The following IL22RA1 variants were observed in gnomAD, a reference collection of about 807,000 sequenced individuals.
The protein encoded by IL22RA1 is interleukin 22 receptor subunit alpha 1.
Under a neutral mutation model 32.8 loss-of-function variants are expected in IL22RA1, and 25 were observed. The ratio of observed to expected loss-of-function variants is 0.76; its 90% CI spans 0.55 to 1.06. The LOEUF is 1.06. Among genes scored for constraint, IL22RA1 ranks in the 50% least tolerant of loss-of-function variants. The probability of loss-of-function intolerance (pLI) is 0.00; values close to 1 mark genes in which losing one functional copy is unlikely to be tolerated. For synonymous variants in IL22RA1, 305 were observed against 305.0 expected (o/e 1.00, Z 0.00); for missense variants, 709 against 727.4 (o/e 0.97, Z 0.29).
chr1:24,140,114 A>C (rs1313619396), intron 1 of IL22RA1, among the ~76,000 whole-genome samples: 1 of 152,260 alleles, frequency 6.6e-6, no homozygotes, highest in Non-Finnish European at 1.5e-5. Flanking sequence ...TGTGAAGTGC[A>C]CAGCCTCTTT....
At chr1:24,137,094 C>T in intron 3 of IL22RA1, 37 bp downstream of exon 3, 1 of 1,590,358 alleles carries the variant, frequency 6.3e-7, no homozygotes, top group Non-Finnish European at 8.6e-7. Context: ...GCGCTTTCCT[C>T]TTCCCTCCCC....
chr1:24,138,623 C>A lies in IL22RA1; in HGVS notation c.135G>T (p.Pro45=). The change falls in exon 2 of 7, where the codon CCG becomes CCT. Residue 45 remains proline (P), a synonymous_variant. Transcript: ENST00000270800. The part of the protein sequence containing the change: ...FENILTWDSG[P]EGTPDTVYSI... ...TGTAGACCGTGTCTGGGGTGCCCTC[C>A]GGCCCGCTGTCCCACGTCAGGATGT... 6.2e-7 allele frequency: 1 copy of A among 1,613,800 alleles called. No homozygotes were observed.
At position 24,120,826 on chromosome 1, in the gene IL22RA1, C is replaced by G. The variant is rs148843028; in HGVS notation, c.1704G>C (p.Leu568=). 337 of 1,610,596 alleles carry G rather than the reference C, an allele frequency of 2.1e-4. No homozygotes were observed. Among genetic ancestry groups the G allele is most frequent in the Non-Finnish European group, 2.8e-4 (328 of 1,178,122 alleles). The change falls in exon 7 of 7, where the codon CTG becomes CTC. Residue 568 remains leucine, a synonymous_variant. Transcript: ENST00000270800. ...ELDSLFRGLA[L]TVQWES ...CCCCTCAGGACTCCCACTGCACAGT[C>G]AGGGCCAGGCCTCTGAAAAGAGAAT...
At position 24,128,619 on chromosome 1, in the gene IL22RA1, A is replaced by G. The variant is rs574372627; in HGVS notation, c.532-340T>C. ...TCCACCACCCTCCCACGCTCCCACT[A>G]TCCCTCCTTCTTCCAATTCCTCTTG... On this transcript the variant is annotated intron_variant, in intron 4 of 6. Transcript: ENST00000270800. 4.6e-5 allele frequency among the ~76,000 whole-genome samples: 7 copies of G among 151,400 alleles called. No individual in the cohort carries two copies. The East Asian group carries it at 1.4e-3, about 30-fold the overall frequency.
rs917722786 is a variant in IL22RA1, at chr1:24,121,754, A to T, written c.793-17T>A. On this transcript the variant is annotated splice_polypyrimidine_tract_variant and intron_variant, in intron 6 of 6. Transcript: ENST00000270800. ...CTGGACGTTCTGTGCAGGGACGACAACAGTCACCCCCCTGTGGTTAGGGTA... is the reference window on the plus strand; with the variant it reads ...CTGGACGTTCTGTGCAGGGACGACATCAGTCACCCCCCTGTGGTTAGGGTA... The T allele has an allele frequency of 3.4e-6, 5 of 1,471,458 alleles. No individual in the cohort carries two copies. Among genetic ancestry groups the T allele is most frequent in the Non-Finnish European group, 3.6e-6 (4 of 1,104,576 alleles). 91.2% of individuals were successfully genotyped at this position (1,471,458 alleles called of 1,614,324 possible).
At chr1:24,122,525 G>A (rs1327674151) in intron 6 of IL22RA1, among the ~76,000 whole-genome samples, 1 of 152,196 alleles carries the variant, frequency 6.6e-6, no homozygotes. Flanking sequence ...GCCAGGTGCA[G>A]TGGCTCACGC....
intron 1 of IL22RA1, among the ~76,000 whole-genome samples, chr1:24,141,177 G>T (rs527789549): frequency 1.3e-5 from 2 of 152,334 alleles, no homozygotes; most frequent in Non-Finnish European, 2.9e-5. Context: ...CTGCCTCTAC[G>T]CAAGGTGACG....
chr1:24,142,020 T>C (rs960331004), intron 1 of IL22RA1, among the ~76,000 whole-genome samples: 4 of 151,966 alleles, frequency 2.6e-5, no homozygotes, highest in African/African-American at 9.7e-5. Context: ...GGGTCCCCCA[T>C]CTCAAAGGGC....
At position 24,123,397 on chromosome 1, in the gene IL22RA1, C is replaced by G; in HGVS notation, c.697G>C (p.Gly233Arg). 1 of 1,613,784 alleles carries G rather than the reference C, an allele frequency of 6.2e-7. No homozygotes were observed. The highest frequency in any genetic ancestry group is 8.5e-7 in the Non-Finnish European group (1 of 1,179,898). The change falls in exon 6 of 7, where the codon GGA (glycine) becomes CGA (arginine). Residue 233 changes from glycine to arginine, a missense_variant. Physicochemically the swap from Gly to Arg is moderately radical, Grantham distance 125 (BLOSUM62 -2). Coordinates refer to ENST00000270800, the MANE Select transcript of IL22RA1 (RefSeq NM_021258.4). ...PDRTWTYSFSGAFLFSMGFLV... is the reference protein window; with the variant it reads ...PDRTWTYSFSRAFLFSMGFLV... The stretch of plus-strand genomic sequence containing the variant: ...AAGCCCATGGAGAACAGGAAGGCTC[C>G]GGAGAAGGAGTAGGTCCATGTCCGG...
chr1:24,127,133 C>T (rs966872024), intron 5 of IL22RA1, among the ~76,000 whole-genome samples: 4 of 152,098 alleles, frequency 2.6e-5, no homozygotes, highest in East Asian at 3.9e-4. Context: ...TGTAGTGAGC[C>T]GAGATTGTGC....
intron 1 of IL22RA1, among the ~76,000 whole-genome samples, chr1:24,141,449 G>A (rs1359490673): frequency 5.9e-5 from 9 of 152,164 alleles, no homozygotes; most frequent in Non-Finnish European, 8.8e-5. Flanking sequence ...TGCTGGTTGA[G>A]GTCAGTGTTC....
intron 1 of IL22RA1, among the ~76,000 whole-genome samples, chr1:24,141,807 C>A (rs16829213): frequency 6.6e-6 from 1 of 152,044 alleles, no homozygotes; most frequent in African/African-American, 2.4e-5. Context: ...GGCAGCCTGG[C>A]GGATTTATAA....
At chr1:24,138,753 C>T in intron 1 of IL22RA1, 39 bp from the exon 2 acceptor site, 2 of 1,605,114 alleles carry the variant, frequency 1.2e-6, no homozygotes, top group Non-Finnish European at 1.7e-6. Flanking sequence ...GGGGCTTTCC[C>T]AGGGTCACCC....
Position 24,120,815 on chromosome 1 carries a change from C to T in IL22RA1, c.1715G>A (p.Trp572Ter). 6.2e-7 allele frequency: 1 copy of T among 1,604,374 alleles called. No individual in the cohort carries two copies. The highest frequency in any genetic ancestry group is 8.5e-7 in the Non-Finnish European group (1 of 1,174,486). ...LFRGLALTVQ[W>*]ES ...CCTTTCCCATTCCCCTCAGGACTCC[C>T]ACTGCACAGTCAGGGCCAGGCCTCT... The change falls in exon 7 of 7, where the codon TGG (tryptophan) becomes TAG (stop). Residue 572 changes from tryptophan (W) to a stop codon, truncating the protein, a stop_gained. Transcript: ENST00000270800. LOFTEE classifies it high-confidence loss of function.
At chr1:24,123,525 T>C (rs1644140559) in intron 5 of IL22RA1, 102 bp from the exon 6 acceptor site, 1 of 1,540,540 alleles carries the variant, frequency 6.5e-7, no homozygotes, top group Non-Finnish European at 8.8e-7. Flanking sequence ...CCTCTCTGGC[T>C]GGGCTGGCAA....
intron 1 of IL22RA1, among the ~76,000 whole-genome samples, chr1:24,140,602 T>C (rs1344510723): frequency 6.6e-6 from 1 of 152,220 alleles, no homozygotes; most frequent in Admixed American, 6.5e-5. Context: ...AGTGAGGGCC[T>C]GAGCCTCAAG....
In IL22RA1 at chr1:24,121,039, G is replaced by A. The variant is rs147491269; in HGVS notation, c.1491C>T (p.Pro497=). ...GTPQYLKGQL[P]LLSSVQIEGH... ...CCTCGATCTGGACTGAGGAGAGGAG[G>A]GGGAGCTGGCCCTTTAGGTACTGTG... Residue 497 remains proline (P), a synonymous_variant, in exon 7 of 7, where the codon CCC becomes CCT. Coordinates refer to ENST00000270800, the MANE Select transcript of IL22RA1 (RefSeq NM_021258.4). 4.9e-4 allele frequency: 790 copies of A among 1,614,180 alleles called. 2 individuals are homozygous for A. The African/African-American group carries it at 9.1e-3, about 19-fold the overall frequency.
chr1:24,128,368 C>T, intron 4 of IL22RA1, 89 bp from the exon 5 acceptor site: 1 of 1,516,776 alleles, frequency 6.6e-7, no homozygotes, highest in Non-Finnish European at 9.1e-7. Flanking sequence ...CTCCTGGATT[C>T]TGGTTTGATG....
At chr1:24,126,842 A>G (rs1235069366) in intron 5 of IL22RA1, among the ~76,000 whole-genome samples, 1 of 152,130 alleles carries the variant, frequency 6.6e-6, no homozygotes, top group African/African-American at 2.4e-5. Flanking sequence ...TCAGTGTGCT[A>G]GAGGAAGGGA....
Sources: allele counts gnomAD v4.1 joint callset (sites outside exome capture counted in the v4.1 genomes callset), GRCh38; gene constraint gnomAD v4.1.1; transcripts MANE v1.5; gene names NCBI Gene and HGNC (gene_info 2026-07-23, HGNC 2026-07-21).